The following NOX4 variants were observed in gnomAD, a reference collection of about 807,000 sequenced individuals.
NOX4 encodes kidney oxidase-1.
Under a neutral mutation model 87.6 loss-of-function variants are expected in NOX4, and 69 were observed. That is an observed-to-expected ratio of 0.79 (90% CI 0.65 to 0.96). The LOEUF is 0.96. NOX4 is among the 40% of genes least tolerant of loss of function. The probability of loss-of-function intolerance (pLI) is 0.00; values close to 1 mark genes in which losing one functional copy is unlikely to be tolerated. For synonymous variants in NOX4, 275 were observed against 238.2 expected (o/e 1.15, Z -1.42); for missense variants, 680 against 681.5 (o/e 1.00, Z 0.02).
At chr11:89,438,595 T>C (rs1311438985) in intron 6 of NOX4, among the ~76,000 whole-genome samples, 2 of 67,778 alleles carry the variant, frequency 3.0e-5, no homozygotes, top group East Asian at 5.2e-4. Context: ...ATATACTATA[T>C]ATAATACTAT....
the NOX4 span, among the ~76,000 whole-genome samples, chr11:89,578,922 G>A: frequency 6.6e-6 from 1 of 152,142 alleles, no homozygotes; most frequent in Non-Finnish European, 1.5e-5. Flanking sequence ...ACTTCAATGG[G>A]TGAATGGATA....
chr11:89,583,052 A>T, the NOX4 span, among the ~76,000 whole-genome samples: 2 of 152,226 alleles, frequency 1.3e-5, no homozygotes, highest in African/African-American at 2.4e-5. Context: ...TTTTAAAATT[A>T]AAAATACACA....
At chr11:89,588,621 T>TA in the NOX4 span, among the ~76,000 whole-genome samples, 2 of 152,234 alleles carry the variant, frequency 1.3e-5, no homozygotes, top group Non-Finnish European at 2.9e-5. Context: ...CCTCTGCACT[T>TA]ACGGTATTAA....
intron 2 of NOX4, among the ~76,000 whole-genome samples, chr11:89,465,285 T>C (rs913517474): frequency 6.6e-6 from 1 of 152,106 alleles, no homozygotes; most frequent in Admixed American, 6.5e-5. Context: ...GTTTCCAGCG[T>C]CATCCATGTC....
chr11:89,502,116 C>A (rs760572002), upstream of NOX4, among the ~76,000 whole-genome samples: 1 of 151,912 alleles, frequency 6.6e-6, no homozygotes, highest in Middle Eastern at 3.2e-3. Flanking sequence ...TATGTGGGCC[C>A]CCTTGAAGAG....
the NOX4 span, among the ~76,000 whole-genome samples, chr11:89,521,559 C>T: frequency 1.3e-5 from 2 of 151,890 alleles, no homozygotes; most frequent in African/African-American, 4.8e-5. Flanking sequence ...TAAATAATGA[C>T]TTCAAACTAT....
At chr11:89,457,805 C>T (rs1945272740) in intron 2 of NOX4, among the ~76,000 whole-genome samples, 1 of 152,246 alleles carries the variant, frequency 6.6e-6, no homozygotes, top group Admixed American at 6.5e-5. Context: ...ATCCCATTCA[C>T]AATATCCACA....
chr11:89,542,479 A>G, the NOX4 span, among the ~76,000 whole-genome samples: 3 of 152,136 alleles, frequency 2.0e-5, no homozygotes, highest in African/African-American at 7.2e-5. Flanking sequence ...GCTATGGCAA[A>G]CCTTGTTGAT....
the NOX4 span, among the ~76,000 whole-genome samples, chr11:89,550,707 G>C: frequency 6.6e-6 from 1 of 152,068 alleles, no homozygotes; most frequent in African/African-American, 2.4e-5. Context: ...TTGTCAGATG[G>C]AGAGATTGCA....
At chr11:89,332,356 C>A (rs551148462) in intron 17 of NOX4, among the ~76,000 whole-genome samples, 1 of 151,910 alleles carries the variant, frequency 6.6e-6, no homozygotes, top group Non-Finnish European at 1.5e-5. Context: ...ATTCTCTACT[C>A]AAAAAGCCAA....
intron 2 of NOX4, among the ~76,000 whole-genome samples, chr11:89,467,266 G>A (rs1226741566): frequency 6.7e-6 from 1 of 148,980 alleles, no homozygotes; most frequent in Admixed American, 6.8e-5. Context: ...CAGGAGAATG[G>A]TGTGAACCCG....
At chr11:89,421,786 T>C (rs1447710513) in intron 8 of NOX4, 116 bp downstream of exon 8, 6 of 581,432 alleles carry the variant, frequency 1.0e-5, no homozygotes, top group Admixed American at 3.8e-5. Context: ...GTAGAGAAAC[T>C]ATTTCTTTCA....
intron 15 of NOX4, among the ~76,000 whole-genome samples, chr11:89,339,789 T>C (rs1281979540): frequency 6.6e-6 from 1 of 152,174 alleles, no homozygotes; most frequent in Non-Finnish European, 1.5e-5. Context: ...TGAAACACCC[T>C]ATGTTAAAAC....
At chr11:89,329,356 G>GAAAAAAAAAAAAAAAAAAAAAA (rs377055666) in intron 17 of NOX4, among the ~76,000 whole-genome samples, 11 of 34,700 alleles carry the variant, frequency 3.2e-4, no homozygotes, top group East Asian at 8.6e-4. Context: ...GAAAAAAACT[G>GAAAAAAAAAAAAAAAAAAAAAA]AAAAAAAAAA....
intron 2 of NOX4, among the ~76,000 whole-genome samples, chr11:89,453,662 C>A (rs1160498594): frequency 6.6e-6 from 1 of 152,104 alleles, no homozygotes; most frequent in African/African-American, 2.4e-5. Context: ...CCTCTTTCTG[C>A]AACCCTAGGA....
rs1591375539 is a variant in NOX4 at position 89,489,118 on chromosome 11, T to C, written c.153+1340A>G. The C allele has an allele frequency of 8.2e-6, 5 of 612,410 alleles. No individual in the cohort carries two copies. In the East Asian group the frequency reaches 1.1e-4, roughly 14 times the overall value. The allele number at this position is 612,410 out of a possible 1,614,324, so 37.9% of individuals were successfully genotyped here. ...AGTGTGTGATCAACAGATTATGATA[T>C]TACTTTGTTGTATAAAAAATTAATT... On this transcript the variant is annotated intron_variant, in intron 2 of 17. Coordinates refer to ENST00000263317, the MANE Select transcript of NOX4 (RefSeq NM_016931.5).
intron 12 of NOX4, among the ~76,000 whole-genome samples, 155 bp downstream of exon 12, chr11:89,373,277 C>CAAAAAAAAAAAAAAAAAAAAA (rs144113376): frequency 2.9e-4 from 17 of 59,086 alleles, no homozygotes; most frequent in South Asian, 8.0e-4. Context: ...ACTGTACAAG[C>CAAAAAAAAAAAAAAAAAAAAA]AAAAAAAAAA....
At chr11:89,519,911 A>G in the NOX4 span, among the ~76,000 whole-genome samples, 1 of 152,046 alleles carries the variant, frequency 6.6e-6, no homozygotes, top group Non-Finnish European at 1.5e-5. Context: ...AACCTTAACA[A>G]CACAGATAAG....
At chr11:89,582,702 A>G in the NOX4 span, among the ~76,000 whole-genome samples, 2 of 152,178 alleles carry the variant, frequency 1.3e-5, no homozygotes, top group African/African-American at 4.8e-5. Context: ...TCCCTGCTTA[A>G]AGTTTAACGT....
Sources: allele counts gnomAD v4.1 joint callset (sites outside exome capture counted in the v4.1 genomes callset), GRCh38; gene constraint gnomAD v4.1.1; transcripts MANE v1.5; gene names NCBI Gene and HGNC (gene_info 2026-07-23, HGNC 2026-07-21).